Variants in TOX observed in about 807,000 individuals in gnomAD.
TOX encodes the protein thymocyte selection associated high mobility group box.
In TOX, 11 loss-of-function variants were observed where a neutral mutation model predicts 53.7. The observed-to-expected ratio is 0.20, with a 90% CI of 0.13 to 0.34. The LOEUF is 0.34. TOX is among the 10% of genes least tolerant of loss of function. The pLI is 1.00. For synonymous variants in TOX, 225 were observed against 245.3 expected (o/e 0.92, Z 0.77); for missense variants, 570 against 664.6 (o/e 0.86, Z 1.56).
At chr8:58,841,100 T>A (rs1228380483) in intron 4 of TOX, among the ~76,000 whole-genome samples, 1 of 152,208 alleles carries the variant, frequency 6.6e-6, no homozygotes, top group Non-Finnish European at 1.5e-5. Context: ...TATTTGTGGG[T>A]GGATGGTGGT....
intron 3 of TOX, among the ~76,000 whole-genome samples, chr8:58,920,746 G>GAAAAAAAAAAAAAAAAAAAAAAAA (rs1164471853): frequency 2.3e-5 from 1 of 43,218 alleles, no homozygotes; most frequent in Non-Finnish European, 5.2e-5. Context: ...AGAAAAAAAA[G>GAAAAAAAAAAAAAAAAAAAAAAAA]AAGAAAAAAA....
At position 59,081,840 on chromosome 8, in the gene TOX, T is replaced by C. The variant is rs1017419187; in HGVS notation, c.102+37046A>G. ...ATAGATAACTGACAATGGGACTTGA[T>C]TGAAAAAAAATCGAATACTGCACGG... On this transcript the variant is annotated intron_variant, in intron 1 of 8. Transcript: ENST00000361421. Among the ~76,000 whole-genome samples, 7 of 152,256 alleles carry C rather than the reference T, an allele frequency of 4.6e-5. No homozygotes were observed. The East Asian group carries it at 9.6e-4, about 21-fold the overall frequency.
At chr8:59,095,908 C>G (rs1186449660) in intron 1 of TOX, among the ~76,000 whole-genome samples, 2 of 152,126 alleles carry the variant, frequency 1.3e-5, no homozygotes, top group Non-Finnish European at 2.9e-5. Flanking sequence ...ATCAGTCATT[C>G]ATTTAACACA....
At chr8:59,039,372 T>C (rs1285162947) in intron 1 of TOX, among the ~76,000 whole-genome samples, 1 of 152,226 alleles carries the variant, frequency 6.6e-6, no homozygotes, top group Admixed American at 6.5e-5. Flanking sequence ...TGGAAATAAC[T>C]ATTGTTACAC....
rs71521443 is a variant in TOX at position 59,078,214 on chromosome 8, G to A, written c.102+40672C>T. Among the ~76,000 whole-genome samples the A allele has an allele frequency of 5.4e-3, 826 of 152,332 alleles. 6 individuals are homozygous for A. Among genetic ancestry groups the A allele is most frequent in the Admixed American group, 0.014 (217 of 15,302 alleles). On this transcript the variant is annotated intron_variant, in intron 1 of 8. Transcript: ENST00000361421. ...GAACCAAGTGACCTGGGCAGTCACT[G>A]TCTCTGCAGTCCTGTGCAAGTATCT...
intron 7 of TOX, among the ~76,000 whole-genome samples, chr8:58,812,707 G>A (rs773444774): frequency 1.6e-4 from 24 of 152,172 alleles, no homozygotes; most frequent in East Asian, 1.2e-3. Flanking sequence ...CCAACTCCAC[G>A]GGGCAGGGGT....
At chr8:59,078,875 T>C (rs1804340782) in intron 1 of TOX, among the ~76,000 whole-genome samples, 1 of 152,182 alleles carries the variant, frequency 6.6e-6, no homozygotes, top group Non-Finnish European at 1.5e-5. Flanking sequence ...ATAGAGACAA[T>C]GAAGTCTAGG....
At chr8:58,998,039 G>A (rs1431900050) in intron 1 of TOX, among the ~76,000 whole-genome samples, 3 of 152,014 alleles carry the variant, frequency 2.0e-5, no homozygotes, top group Non-Finnish European at 4.4e-5. Flanking sequence ...TGATCCGCCC[G>A]CCTCGGCCTG....
chr8:58,958,916 A>C (rs543173233), intron 2 of TOX, among the ~76,000 whole-genome samples: 1 of 152,224 alleles, frequency 6.6e-6, no homozygotes, highest in African/African-American at 2.4e-5. Context: ...TAACATATAC[A>C]TTAGATTTAA....
At chr8:58,844,223 T>C (rs776874113) in intron 4 of TOX, among the ~76,000 whole-genome samples, 3 of 152,184 alleles carry the variant, frequency 2.0e-5, no homozygotes, top group Non-Finnish European at 4.4e-5. Flanking sequence ...GGGTAGCTGC[T>C]AACCACATAT....
Position 58,807,708 on chromosome 8 carries a change from C to T in TOX, c.*39G>A. The T allele has an allele frequency of 6.2e-7, 1 of 1,612,288 alleles. No individual in the cohort carries two copies. Among genetic ancestry groups the T allele is most frequent in the Non-Finnish European group, 8.5e-7 (1 of 1,178,430 alleles). ...AAAGCAATCCATGGTGAAAACACTTCCCTGAATTCCTCAGTGGAAAGAAGA... is the reference window on the plus strand; with the variant it reads ...AAAGCAATCCATGGTGAAAACACTTTCCTGAATTCCTCAGTGGAAAGAAGA... On this transcript the variant is annotated 3_prime_UTR_variant, in exon 9 of 9. Coordinates refer to ENST00000361421, the MANE Select transcript of TOX (RefSeq NM_014729.3).
At chr8:59,064,081 G>A (rs547811912) in intron 1 of TOX, among the ~76,000 whole-genome samples, 27 of 152,248 alleles carry the variant, frequency 1.8e-4, no homozygotes, top group African/African-American at 5.5e-4. Flanking sequence ...TGCTTGGGGT[G>A]GGGGGAGGTG....
At chr8:58,843,321 A>G (rs1237444160) in intron 4 of TOX, among the ~76,000 whole-genome samples, 1 of 152,216 alleles carries the variant, frequency 6.6e-6, no homozygotes, top group Non-Finnish European at 1.5e-5. Context: ...CTCTCCTTCA[A>G]TAACTAAACT....
chr8:59,016,672 C>G (rs549862322), intron 1 of TOX, among the ~76,000 whole-genome samples: 20 of 152,226 alleles, frequency 1.3e-4, no homozygotes, highest in Non-Finnish European at 2.6e-4. Context: ...TGCATTTGAT[C>G]AAAATCACAA....
At chr8:58,931,198 A>C (rs900905052) in intron 3 of TOX, among the ~76,000 whole-genome samples, 7 of 152,196 alleles carry the variant, frequency 4.6e-5, no homozygotes, top group African/African-American at 1.7e-4. Flanking sequence ...CAATGATGCT[A>C]TTAAGGACCC....
At chr8:59,069,757 A>T (rs1202718019) in intron 1 of TOX, among the ~76,000 whole-genome samples, 1 of 152,228 alleles carries the variant, frequency 6.6e-6, no homozygotes, top group African/African-American at 2.4e-5. Flanking sequence ...GGGGAGAAAC[A>T]GCCAGAAAGG....
chr8:59,098,463 A>G (rs903911564), intron 1 of TOX, among the ~76,000 whole-genome samples: 1 of 151,602 alleles, frequency 6.6e-6, no homozygotes, highest in Admixed American at 6.6e-5. Context: ...TCTGGAAGTC[A>G]GGAACTCTGC....
At chr8:58,975,277 G>C (rs980405463) in intron 1 of TOX, among the ~76,000 whole-genome samples, 13 of 151,502 alleles carry the variant, frequency 8.6e-5, no homozygotes, top group Non-Finnish European at 1.5e-4. Flanking sequence ...CACACAGAGA[G>C]AGAGAGAGAG....
intron 1 of TOX, among the ~76,000 whole-genome samples, chr8:59,055,343 A>C (rs1803871995): frequency 6.6e-6 from 1 of 152,170 alleles, no homozygotes; most frequent in Admixed American, 6.5e-5. Context: ...CTCCCCTCAA[A>C]GGCAACATTT....
Sources: allele counts gnomAD v4.1 joint callset (sites outside exome capture counted in the v4.1 genomes callset), GRCh38; gene constraint gnomAD v4.1.1; transcripts MANE v1.5; gene names NCBI Gene and HGNC (gene_info 2026-07-23, HGNC 2026-07-21).